Variants in FGFRL1 observed in about 807,000 individuals in gnomAD.
FGFRL1 encodes fibroblast growth factor receptor like 1, also known as fibroblast growth factor receptor-like 1.
FGFRL1 carries 24 observed loss-of-function variants against 36.8 expected under a neutral mutation model. The observed-to-expected ratio is 0.65, with a 90% CI of 0.47 to 0.92. The LOEUF (loss-of-function observed/expected upper bound fraction) is 0.92, where lower values mean the gene tolerates loss of function less well. FGFRL1 is among the 40% of genes least tolerant of loss of function. The pLI is 0.00. For missense variants in FGFRL1, 785 were observed against 753.4 expected, an observed-to-expected ratio of 1.04 and a Z score of -0.49; for synonymous variants, 422 against 344.1, an observed-to-expected ratio of 1.23 and a Z score of -2.50.
chr4:1,024,001 G>A lies in FGFRL1; in HGVS notation c.618G>A (p.Leu206=), dbSNP rs766278654. 4.4e-6 allele frequency: 7 copies of A among 1,607,270 alleles called. No individual in the cohort carries two copies. Among genetic ancestry groups the A allele is most frequent in the Non-Finnish European group, 5.9e-6 (7 of 1,178,492 alleles). Residue 206 remains leucine (L), a synonymous_variant, in exon 5 of 7, where the codon CTG becomes CTA. Transcript: ENST00000510644. ...AAEPRKKKWT[L]SLKNLRPEDS... ...AGCCCAGGAAGAAGAAGTGGACACT[G>A]AGCCTGAAGAACCTGCGGCCGGAGG... is the stretch of plus-strand genomic sequence containing the variant.
intron 6 of FGFRL1, 98 bp from the exon 7 acceptor site, chr4:1,024,807 G>A: frequency 3.5e-6 from 5 of 1,421,054 alleles, no homozygotes; most frequent in African/African-American, 1.4e-5. Flanking sequence ...GGCAGCCCAG[G>A]GGCACCGTCT....
chr4:1,023,961 G>C lies in FGFRL1; in HGVS notation c.578G>C (p.Arg193Pro), dbSNP rs4647937. 1.3e-6 allele frequency: 2 copies of C among 1,595,782 alleles called. No homozygotes were observed. The highest frequency in any genetic ancestry group is 1.7e-6 in the Non-Finnish European group (2 of 1,173,888). Residue 193 changes from arginine to proline, a missense_variant, in exon 5 of 7, where the codon CGC becomes CCC. Transcript: ENST00000510644. The surrounding 1 kb of genome is among the most constrained non-coding windows in gnomAD (Gnocchi z 6.0). ...TWMKDDQALT[R>P]PEAAEPRKKK... The stretch of plus-strand genomic sequence containing the variant: ...ATGAAGGACGACCAGGCCTTGACGC[G>C]CCCAGAGGCCGCTGAGCCCAGGAAG...
At chr4:1,018,880 C>T (rs760300118) in intron 2 of FGFRL1, among the ~76,000 whole-genome samples, 38 of 150,124 alleles carry the variant, frequency 2.5e-4, no homozygotes, top group Non-Finnish European at 4.2e-4. Context: ...GCAGGGGGTC[C>T]GGGGAGCCCA....
At position 1,023,730 on chromosome 4, in the gene FGFRL1, G is replaced by T. The variant is rs1238902591; in HGVS notation, c.433+9G>T. The T allele has an allele frequency of 6.4e-7, 1 of 1,558,316 alleles. No individual in the cohort carries two copies. Among genetic ancestry groups the T allele is most frequent in the Middle Eastern group, 2.2e-4 (1 of 4,592 alleles). On this transcript the variant is annotated intron_variant, in intron 4 of 6. Coordinates refer to ENST00000510644, the MANE Select transcript of FGFRL1 (RefSeq NM_001004356.3). This position sits in a 1 kb window ranked among gnomAD's most constrained non-coding sequence, Gnocchi z 6.0. Reference sequence around the variant, plus strand: ...CGCCAGCCAGCAGTGGGGTGAGCAGGGGGTGACGGGGGTGGGGGGCGTCCG... The same window carrying T: ...CGCCAGCCAGCAGTGGGGTGAGCAGTGGGTGACGGGGGTGGGGGGCGTCCG...
In FGFRL1 at chr4:1,022,414, C is replaced by T. The variant is rs113418020; in HGVS notation, c.291C>T (p.Tyr97=). Residue 97 remains tyrosine (Y), a synonymous_variant, in exon 3 of 7, where the codon TAC becomes TAT. Transcript: ENST00000510644. ...TGGAGCGGGAGGATGCCGGCGTGTA[C>T]GTGTGCAAGGCCACCAACGGCTTCG... ...KQVEREDAGV[Y]VCKATNGFGS... 358 of 1,611,690 alleles carry T rather than the reference C, an allele frequency of 2.2e-4. No individual in the cohort carries two copies. The highest frequency in any genetic ancestry group is 8.3e-4 in the Middle Eastern group (5 of 6,040).
Position 1,011,798 on chromosome 4 carries a change from C to T in FGFRL1, c.-173C>T, listed in dbSNP as rs1715596859. 1 of 143,704 alleles carries T rather than the reference C, an allele frequency of 7.0e-6. No homozygotes were observed. The highest frequency in any genetic ancestry group is 2.5e-5 in the African/African-American group (1 of 39,852). The allele number at this position is 143,704 out of a possible 1,614,324, so 8.9% of individuals were successfully genotyped here. ...GCCCGAGCCCGGACCCCGACCCGGC[C>T]CGAGCCGCCCGCGCCCAGGTAGCGC... On this transcript the variant is annotated 5_prime_UTR_variant, in exon 1 of 7. Coordinates refer to ENST00000510644, the MANE Select transcript of FGFRL1 (RefSeq NM_001004356.3).
Position 1,025,021 on chromosome 4 carries a change from T to C in FGFRL1, c.1189T>C (p.Trp397Arg). The change falls in exon 7 of 7, where the codon TGG becomes CGG. Residue 397 changes from tryptophan (W) to arginine (R), a missense_variant. Coordinates refer to ENST00000510644, the MANE Select transcript of FGFRL1 (RefSeq NM_001004356.3). ...CTTCATCCTGGGCACCCTGCTCCTG[T>C]GGCTTTGCCAGGCCCAGAAGAAGCC... ...AVFILGTLLL[W>R]LCQAQKKPCT... 6.2e-7 allele frequency: 1 copy of C among 1,611,192 alleles called. No homozygotes were observed. The highest frequency in any genetic ancestry group is 2.2e-5 in the East Asian group (1 of 44,860).
chr4:1,013,870 G>A (rs989422723), intron 2 of FGFRL1, among the ~76,000 whole-genome samples: 1 of 152,286 alleles, frequency 6.6e-6, no homozygotes, highest in Non-Finnish European at 1.5e-5. Context: ...CTTCGCCTTC[G>A]TCCTCCTCAG....
At chr4:1,014,037 C>G (rs1304303195) in intron 2 of FGFRL1, among the ~76,000 whole-genome samples, 1 of 152,216 alleles carries the variant, frequency 6.6e-6, no homozygotes, top group African/African-American at 2.4e-5. Flanking sequence ...GCTGATTTTC[C>G]TAGCGTGGAC....
intron 2 of FGFRL1, among the ~76,000 whole-genome samples, chr4:1,016,194 CT>C (rs1371633392): frequency 2.0e-5 from 3 of 152,204 alleles, no homozygotes; most frequent in South Asian, 2.1e-4. Flanking sequence ...CAGCTCACCC[CT>C]GATCTCTGGC....
intron 2 of FGFRL1, among the ~76,000 whole-genome samples, chr4:1,015,100 C>T (rs931009618): frequency 9.2e-5 from 14 of 152,168 alleles, no homozygotes; most frequent in Admixed American, 3.3e-4. Context: ...GAACTGCGGC[C>T]GTGCTGGGAG....
intron 2 of FGFRL1, among the ~76,000 whole-genome samples, chr4:1,016,129 C>T (rs55639339): frequency 0.12 from 18,781 of 152,242 alleles, 1,265 homozygotes; most frequent in Middle Eastern, 0.21. Flanking sequence ...TGGGCTGCTC[C>T]GTGGTTGGGG....
chr4:1,022,564 C>A, intron 3 of FGFRL1, 89 bp downstream of exon 3: 2 of 1,451,612 alleles, frequency 1.4e-6, no homozygotes, highest in African/African-American at 1.4e-5. Context: ...ACCTGGGGCC[C>A]GAGAGTCAGC....
At position 1,012,542 on chromosome 4, in the gene FGFRL1, C is replaced by T. The variant is rs1244020674; in HGVS notation, c.57C>T (p.Phe19=). Residue 19 remains phenylalanine, a synonymous_variant, in exon 2 of 7, where the codon TTC becomes TTT. Coordinates refer to ENST00000510644, the MANE Select transcript of FGFRL1 (RefSeq NM_001004356.3). Reference sequence around the variant, plus strand: ...TGCCGCCGCTGCTGCTGGGGGCCTTCCCGCCGGCCGCCGCCGCCCGAGGTG... The same window carrying T: ...TGCCGCCGCTGCTGCTGGGGGCCTTTCCGCCGGCCGCCGCCGCCCGAGGTG... ...LLLPPLLLGA[F]PPAAAARGPP... 5 of 1,494,852 alleles carry T rather than the reference C, an allele frequency of 3.3e-6. No homozygotes were observed. Among genetic ancestry groups the T allele is most frequent in the African/African-American group, 1.4e-5 (1 of 69,042 alleles). 92.6% of individuals were successfully genotyped at this position (1,494,852 alleles called of 1,614,324 possible).
Position 1,015,250 on chromosome 4 carries a change from G to T in FGFRL1, c.79+2686G>T, listed in dbSNP as rs553913006. 4.6e-5 allele frequency among the ~76,000 whole-genome samples: 7 copies of T among 152,336 alleles called. No homozygotes were observed. The East Asian group carries it at 1.4e-3, about 29-fold the overall frequency. On this transcript the variant is annotated intron_variant, in intron 2 of 6. Coordinates refer to ENST00000510644, the MANE Select transcript of FGFRL1 (RefSeq NM_001004356.3). ...GTGACTCCAGGCCTGGTGTGTCCAGGTGACAGCCTCAGCGGGTCAGCACAG... is the reference window on the plus strand; with the variant it reads ...GTGACTCCAGGCCTGGTGTGTCCAGTTGACAGCCTCAGCGGGTCAGCACAG...
Position 1,024,353 on chromosome 4 carries a change from T to C in FGFRL1, c.761T>C (p.Val254Ala). The change falls in exon 6 of 7, where the codon GTG becomes GCG. Residue 254 changes from valine to alanine, a missense_variant. Coordinates refer to ENST00000510644, the MANE Select transcript of FGFRL1 (RefSeq NM_001004356.3). ...CCCGTGCTCACAGGCACGCACCCCG[T>C]GAACACGACGGTGGACTTCGGGGGG... ...SKPVLTGTHP[V>A]NTTVDFGGTT... The C allele has an allele frequency of 6.2e-7, 1 of 1,611,296 alleles. No homozygotes were observed. Among genetic ancestry groups the C allele is most frequent in the Non-Finnish European group, 8.5e-7 (1 of 1,179,078 alleles).
At chr4:1,012,126 A>G (rs1577552922) in intron 1 of FGFRL1, 172 bp downstream of exon 1, 1 of 79,544 alleles carries the variant, frequency 1.3e-5, no homozygotes, top group Non-Finnish European at 2.4e-5. Context: ...CCCGCGCCCC[A>G]CGTGGGCCCC....
rs1716314355 is a variant in FGFRL1, at chr4:1,023,597, G to GC, written c.353-38dup. The stretch of plus-strand genomic sequence containing the variant: ...GGGGGAGTTGGGGGAGCTCCTCAGG[G>GC]CCCCCCTCACCTGCCCTCCCTGTGC... On this transcript the variant is annotated intron_variant, in intron 3 of 6. Transcript: ENST00000510644. This position sits in a 1 kb window ranked among gnomAD's most constrained non-coding sequence, Gnocchi z 6.0. 6.5e-7 allele frequency: 1 copy of GC among 1,537,572 alleles called. No homozygotes were observed. The highest frequency in any genetic ancestry group is 8.8e-7 in the Non-Finnish European group (1 of 1,134,932).
In FGFRL1 at chr4:1,024,471, C is replaced by T. The variant is rs777425704; in HGVS notation, c.879C>T (p.Asn293=). Residue 293 remains asparagine, a synonymous_variant, in exon 6 of 7, where the codon AAC becomes AAT. Coordinates refer to ENST00000510644, the MANE Select transcript of FGFRL1 (RefSeq NM_001004356.3). The part of the protein sequence containing the change: ...RVEYGAEGRH[N]STIDVGGQKF... ...AGTACGGCGCCGAGGGCCGCCACAA[C>T]TCCACCATCGATGTGGGCGGCCAGA... 2.5e-6 allele frequency: 4 copies of T among 1,612,462 alleles called. No homozygotes were observed. The East Asian group carries it at 8.9e-5, about 36-fold the overall frequency.
Sources: gnomAD v4.1 joint callset for allele counts (sites outside exome capture counted in the v4.1 genomes callset) on GRCh38, gnomAD v4.1.1 for gene constraint, Gnocchi (gnomAD v3.1) non-coding constraint, MANE v1.5 for transcripts, NCBI Gene and HGNC (gene_info 2026-07-23, HGNC 2026-07-21) for gene names.